The following ZNRF3 variants were observed in gnomAD, a reference collection of about 807,000 sequenced individuals.
ZNRF3 encodes E3 ubiquitin-protein ligase ZNRF3.
ZNRF3 carries 23 observed loss-of-function variants against 72.5 expected under a neutral mutation model. The observed-to-expected ratio is 0.32, with a 90% CI of 0.23 to 0.45. ZNRF3 has a LOEUF of 0.45. Among genes scored for constraint, ZNRF3 ranks in the 20% least tolerant of loss-of-function variants. ZNRF3 has a pLI of 1.00. For missense variants in ZNRF3, 1,169 were observed against 1,272.1 expected (o/e 0.92, Z 1.23); for synonymous variants, 610 against 545.3 (o/e 1.12, Z -1.65).
Position 29,050,319 on chromosome 22 carries a change from G to T in ZNRF3, c.2138G>T (p.Cys713Phe). ...GGHELPSCAC[C>F]CEPQPSPAGP... ...CACGAGTTGCCGTCGTGTGCCTGCT[G>T]CTGCGAGCCCCAGCCCTCCCCAGCC... is the stretch of plus-strand genomic sequence containing the variant. The change falls in exon 8 of 9, where the codon TGC becomes TTC. Residue 713 changes from cysteine to phenylalanine, a missense_variant. By Grantham distance (205) the Cys-to-Phe change is radical (BLOSUM62 -2). Coordinates refer to ENST00000544604, the MANE Select transcript of ZNRF3 (RefSeq NM_001206998.2). The T allele has an allele frequency of 6.3e-7, 1 of 1,599,886 alleles. No homozygotes were observed. The highest frequency in any genetic ancestry group is 1.1e-5 in the South Asian group (1 of 90,850).
intron 2 of ZNRF3, among the ~76,000 whole-genome samples, chr22:29,006,606 C>T (rs1395383658): frequency 6.6e-6 from 1 of 152,078 alleles, no homozygotes; most frequent in Non-Finnish European, 1.5e-5. Flanking sequence ...TGTGGGTGGC[C>T]CCCTGCAGAA....
intron 1 of ZNRF3, among the ~76,000 whole-genome samples, chr22:28,900,980 G>A (rs1018778811): frequency 2.6e-5 from 4 of 152,044 alleles, no homozygotes; most frequent in African/African-American, 9.7e-5. Context: ...GTATGGTGGT[G>A]CACATCTGTA....
intron 2 of ZNRF3, among the ~76,000 whole-genome samples, chr22:29,024,056 C>T (rs930429401): frequency 6.6e-6 from 1 of 152,180 alleles, no homozygotes; most frequent in Non-Finnish European, 1.5e-5. Context: ...ACTTTCCTAA[C>T]AGGAAAGGCT....
chr22:28,920,902 G>A (rs950688034), intron 1 of ZNRF3, among the ~76,000 whole-genome samples: 4 of 152,194 alleles, frequency 2.6e-5, no homozygotes, highest in Admixed American at 6.5e-5. Context: ...TAGCTCATGG[G>A]GGAAACCAAG....
At chr22:28,969,446 T>C (rs996005504) in intron 1 of ZNRF3, among the ~76,000 whole-genome samples, 7 of 152,074 alleles carry the variant, frequency 4.6e-5, no homozygotes, top group African/African-American at 7.2e-5. Context: ...GAAGGTGATA[T>C]GTAAAGGAGG....
chr22:28,999,199 T>C (rs891194289), intron 2 of ZNRF3, among the ~76,000 whole-genome samples: 3 of 142,746 alleles, frequency 2.1e-5, no homozygotes, highest in Non-Finnish European at 3.0e-5. Context: ...CCAGGCATGG[T>C]GGTGGGTGCC....
intron 1 of ZNRF3, among the ~76,000 whole-genome samples, chr22:28,936,067 G>T (rs2034813541): frequency 6.6e-6 from 1 of 152,084 alleles, no homozygotes; most frequent in Non-Finnish European, 1.5e-5. Flanking sequence ...CTTGGCACAG[G>T]TTTCTCTGAG....
At chr22:28,900,969 G>T (rs1197783218) in intron 1 of ZNRF3, among the ~76,000 whole-genome samples, 1 of 151,980 alleles carries the variant, frequency 6.6e-6, no homozygotes, top group African/African-American at 2.4e-5. Context: ...AAATTAGCCA[G>T]GTATGGTGGT....
intron 1 of ZNRF3, among the ~76,000 whole-genome samples, chr22:28,975,194 G>A (rs148408259): frequency 5.3e-5 from 8 of 152,090 alleles, no homozygotes; most frequent in African/African-American, 1.2e-4. Flanking sequence ...CGAGGCGGGC[G>A]GATCATGACG....
At chr22:28,971,491 T>C (rs2035574249) in intron 1 of ZNRF3, among the ~76,000 whole-genome samples, 1 of 152,106 alleles carries the variant, frequency 6.6e-6, no homozygotes, top group Non-Finnish European at 1.5e-5. Flanking sequence ...AGCATGAAAG[T>C]GGTTCTTTTC....
chr22:28,917,296 C>CG, intron 1 of ZNRF3: 4 of 186,702 alleles, frequency 2.1e-5, no homozygotes, highest in Non-Finnish European at 3.5e-5. Context: ...CACACACACA[C>CG]ACACACACGA....
chr22:28,921,279 C>T (rs2034507201), intron 1 of ZNRF3, among the ~76,000 whole-genome samples: 1 of 152,174 alleles, frequency 6.6e-6, no homozygotes. Context: ...TTCTGCTACT[C>T]GGCTGCCAGA....
chr22:28,906,927 G>C (rs1252293467), intron 1 of ZNRF3, among the ~76,000 whole-genome samples: 6 of 151,424 alleles, frequency 4.0e-5, no homozygotes, highest in Non-Finnish European at 8.8e-5. Flanking sequence ...GAGCTAAAAT[G>C]TTAATTGCCA....
intron 2 of ZNRF3, chr22:29,031,553 C>CAG: frequency 1.0e-6 from 1 of 984,314 alleles, no homozygotes; most frequent in African/African-American, 1.7e-5. Flanking sequence ...AGCAGCTGAC[C>CAG]AGAATGTTCA....
intron 1 of ZNRF3, among the ~76,000 whole-genome samples, chr22:28,893,003 T>TC: frequency 6.6e-6 from 1 of 151,836 alleles, no homozygotes; most frequent in Non-Finnish European, 1.5e-5. Flanking sequence ...CCGTCTCTAC[T>TC]AAAGATACAA....
chr22:28,943,875 C>T (rs1387999795), intron 1 of ZNRF3, among the ~76,000 whole-genome samples: 1 of 151,860 alleles, frequency 6.6e-6, no homozygotes, highest in Non-Finnish European at 1.5e-5. Context: ...GGACATGTGG[C>T]TCTTATTTTG....
rs542611061 is a variant in ZNRF3 at position 29,023,235 on chromosome 22, T to C, written c.427-19260T>C. On this transcript the variant is annotated intron_variant, in intron 2 of 8. Transcript: ENST00000544604. ...CCCAGAAAACAAAAAATCTTCAATA[T>C]TATAAAACTTAATGGACTCTACAGA... is the stretch of plus-strand genomic sequence containing the variant. 2.9e-4 allele frequency among the ~76,000 whole-genome samples: 44 copies of C among 152,312 alleles called. 1 individual carries two copies. The South Asian group carries it at 8.7e-3, about 30-fold the overall frequency.
At chr22:28,944,279 C>G (rs1282022711) in intron 1 of ZNRF3, among the ~76,000 whole-genome samples, 1 of 147,868 alleles carries the variant, frequency 6.8e-6, no homozygotes, top group Non-Finnish European at 1.5e-5. Context: ...TTTTTTTTTT[C>G]TAAGTCTTCA....
chr22:29,045,943 G>C (rs1040126498), intron 5 of ZNRF3, among the ~76,000 whole-genome samples: 1 of 152,182 alleles, frequency 6.6e-6, no homozygotes, highest in African/African-American at 2.4e-5. Context: ...TAGAGCCTTG[G>C]TCCTCAGATA....
Sources: allele counts gnomAD v4.1 joint callset (sites outside exome capture counted in the v4.1 genomes callset), GRCh38; gene constraint gnomAD v4.1.1; transcripts MANE v1.5; gene names NCBI Gene and HGNC (gene_info 2026-07-23, HGNC 2026-07-21).